ENPP6: variants seen among roughly 807,000 people sequenced by gnomAD.
The protein encoded by ENPP6 is glycerophosphocholine cholinephosphodiesterase ENPP6.
In ENPP6, 32 loss-of-function variants were observed where a neutral mutation model predicts 42.0. That is an observed-to-expected ratio of 0.76 (90% CI 0.58 to 1.02). The LOEUF (loss-of-function observed/expected upper bound fraction) is 1.02, where lower values mean the gene tolerates loss of function less well. ENPP6 is among the 50% of genes least tolerant of loss of function. The pLI, the probability that ENPP6 is intolerant of heterozygous loss-of-function variation, is 0.00. For synonymous variants in ENPP6, 213 were observed against 216.0 expected (o/e 0.99, Z 0.12); for missense variants, 552 against 566.8 (o/e 0.97, Z 0.27).
intron 2 of ENPP6, among the ~76,000 whole-genome samples, chr4:184,145,023 C>T (rs1213161626): frequency 1.3e-5 from 2 of 152,190 alleles, no homozygotes; most frequent in Non-Finnish European, 2.9e-5. Flanking sequence ...AAGGATTGGG[C>T]CCAGCAGGGC....
intron 7 of ENPP6, 106 bp from the exon 8 acceptor site, chr4:184,091,488 T>G: frequency 9.5e-7 from 1 of 1,054,390 alleles, no homozygotes; most frequent in South Asian, 1.6e-5. Flanking sequence ...GACATTGAGA[T>G]TAGGGAATCA....
intron 7 of ENPP6, among the ~76,000 whole-genome samples, chr4:184,092,501 G>T (rs1429802339): frequency 2.0e-5 from 3 of 152,206 alleles, no homozygotes; most frequent in African/African-American, 7.2e-5. Context: ...CACGGTGAGT[G>T]AGGGACGCCG....
At chr4:184,157,096 C>T (rs996258988) in intron 1 of ENPP6, among the ~76,000 whole-genome samples, 5 of 152,340 alleles carry the variant, frequency 3.3e-5, no homozygotes, top group East Asian at 1.9e-4. Flanking sequence ...TAATCCTCCA[C>T]GCTTGGTATC....
Position 184,217,579 on chromosome 4 carries a change from C to T in ENPP6, c.241G>A (p.Gly81Ser), listed in dbSNP as rs753269195. 4 of 1,614,196 alleles carry T rather than the reference C, an allele frequency of 2.5e-6. No homozygotes were observed. The highest frequency in any genetic ancestry group is 3.4e-6 in the Non-Finnish European group (4 of 1,180,026). ...GCCCAGAAGAGGACATGGTACTCAC[C>T]AGTCATTAGGGTATAATAATTGGGA... ...SYPNYYTLMT[G>S]RHCEVHQMIG... The change falls in exon 1 of 8, where the codon GGC (glycine) becomes AGC (serine). Residue 81 changes from glycine to serine, a missense_variant and splice_region_variant. This residue lies in a region of ENPP6 where 545 missense variants were observed against 546.3 expected (regional missense o/e 1.00). Coordinates refer to ENST00000296741, the MANE Select transcript of ENPP6 (RefSeq NM_153343.4).
At chr4:184,164,537 G>A (rs1156760100) in intron 1 of ENPP6, among the ~76,000 whole-genome samples, 1 of 152,126 alleles carries the variant, frequency 6.6e-6, no homozygotes, top group Non-Finnish European at 1.5e-5. Context: ...AGGGAGAGAT[G>A]GCTCTGTAAA....
intron 2 of ENPP6, among the ~76,000 whole-genome samples, chr4:184,131,570 G>A (rs539425734): frequency 1.3e-5 from 2 of 149,136 alleles, no homozygotes; most frequent in Non-Finnish European, 3.0e-5. Flanking sequence ...CACCATGTTG[G>A]CCAGGCTGGT....
intron 2 of ENPP6, among the ~76,000 whole-genome samples, chr4:184,146,604 G>A (rs967874623): frequency 1.3e-5 from 2 of 152,222 alleles, no homozygotes; most frequent in Non-Finnish European, 2.9e-5. Context: ...AAATGCAGAT[G>A]CTCTTTTTGC....
At position 184,112,815 on chromosome 4, in the gene ENPP6, A is replaced by G. The variant is rs1037735212; in HGVS notation, c.856-6T>C. 1.9e-5 allele frequency: 30 copies of G among 1,612,154 alleles called. No homozygotes were observed. Among genetic ancestry groups the G allele is most frequent in the Admixed American group, 1.3e-4 (8 of 59,616 alleles). On this transcript the variant is annotated splice_region_variant and splice_polypyrimidine_tract_variant and intron_variant, in intron 5 of 7. Coordinates refer to ENST00000296741, the MANE Select transcript of ENPP6 (RefSeq NM_153343.4). ...GTGCTCAGTTTGTTATATATCTGCA[A>G]AGAAAATCAAGAGTGATCAGTTTGA... is the stretch of plus-strand genomic sequence containing the variant.
chr4:184,090,271 A>T lies in ENPP6; in HGVS notation c.*906T>A, dbSNP rs1227949094. 2 of 152,028 alleles carry T rather than the reference A, an allele frequency of 1.3e-5. No individual in the cohort carries two copies. Among genetic ancestry groups the T allele is most frequent in the Admixed American group, 6.6e-5 (1 of 15,248 alleles). The allele number at this position is 152,028 out of a possible 1,614,324, so 9.4% of individuals were successfully genotyped here. On this transcript the variant is annotated 3_prime_UTR_variant, in exon 8 of 8. Transcript: ENST00000296741. ...CCCAGGCTATAATGTCATGTCAGGG[A>T]TTGCTCTTGTCTGCACCCTATATTG...
At position 184,217,535 on chromosome 4, in the gene ENPP6, T is replaced by C. The variant is rs762876603; in HGVS notation, c.241+44A>G. 1.9e-6 allele frequency: 3 copies of C among 1,608,148 alleles called. No homozygotes were observed. In the South Asian group the frequency reaches 3.3e-5, roughly 18 times the overall value. ...CAGGAGCTCACTGTTCCCTGCTGGA[T>C]GCCAGCCCTCCCCTCCCTGCCCAGA... On this transcript the variant is annotated intron_variant, in intron 1 of 7. Transcript: ENST00000296741.
In ENPP6 at chr4:184,193,936, A is replaced by G. The variant is rs1015656437; in HGVS notation, c.241+23643T>C. 1.6e-4 allele frequency among the ~76,000 whole-genome samples: 24 copies of G among 152,084 alleles called. 1 individual carries two copies. The highest frequency in any genetic ancestry group is 4.8e-4 in the African/African-American group (20 of 41,402). Reference sequence around the variant, plus strand: ...AGTTTGATGCTACTGACTTTCTTCTATTAGAAGCTTTGCCTTTCCTTGATT... The same window carrying G: ...AGTTTGATGCTACTGACTTTCTTCTGTTAGAAGCTTTGCCTTTCCTTGATT... On this transcript the variant is annotated intron_variant, in intron 1 of 7. Transcript: ENST00000296741.
intron 2 of ENPP6, among the ~76,000 whole-genome samples, chr4:184,137,746 C>T (rs1736753311): frequency 1.3e-5 from 2 of 152,168 alleles, no homozygotes; most frequent in African/African-American, 4.8e-5. Flanking sequence ...TGGATTTTTA[C>T]TAGATTTATT....
At position 184,098,077 on chromosome 4, in the gene ENPP6, GTGC is replaced by G. The variant is rs200442326; in HGVS notation, c.994-712_994-710del. Among the ~76,000 whole-genome samples the G allele has an allele frequency of 7.4e-3, 1,126 of 152,328 alleles. 13 individuals carry two copies. The highest frequency in any genetic ancestry group is 0.026 in the African/African-American group (1,083 of 41,572). On this transcript the variant is annotated intron_variant, in intron 6 of 7. Coordinates refer to ENST00000296741, the MANE Select transcript of ENPP6 (RefSeq NM_153343.4). ...TCTTTCCCACGGGCCTCTCTATGTGGTGCCTCTCTAAGGGCCATCCATTACAAT... is the reference window on the plus strand; with the variant it reads ...TCTTTCCCACGGGCCTCTCTATGTGGCTCTCTAAGGGCCATCCATTACAAT...
chr4:184,153,439 A>G (rs1737091478), intron 2 of ENPP6, 115 bp downstream of exon 2: 1 of 1,236,710 alleles, frequency 8.1e-7, no homozygotes, highest in South Asian at 1.6e-5. Flanking sequence ...ATATTTCTTA[A>G]ATAAAGATCC....
intron 3 of ENPP6, among the ~76,000 whole-genome samples, chr4:184,121,960 C>A (rs1046898165): frequency 2.3e-4 from 35 of 152,144 alleles, no homozygotes; most frequent in African/African-American, 8.4e-4. Context: ...TCAGGGGAGG[C>A]CCAAGTCATC....
At chr4:184,200,858 A>G (rs999477705) in intron 1 of ENPP6, among the ~76,000 whole-genome samples, 1 of 152,186 alleles carries the variant, frequency 6.6e-6, no homozygotes, top group Admixed American at 6.5e-5. Context: ...TGCTGCAGAC[A>G]TGTACACACA....
At chr4:184,112,107 C>T (rs184014983) in intron 6 of ENPP6, among the ~76,000 whole-genome samples, 163 of 152,300 alleles carry the variant, frequency 1.1e-3, no homozygotes, top group African/African-American at 2.3e-3. Flanking sequence ...GCCTCCCCAC[C>T]GTGGCCTGAT....
At chr4:184,207,340 T>C (rs1226005654) in intron 1 of ENPP6, among the ~76,000 whole-genome samples, 1 of 152,258 alleles carries the variant, frequency 6.6e-6, no homozygotes, top group Non-Finnish European at 1.5e-5. Context: ...AGCAAAATGA[T>C]GCTAAGTTAC....
intron 6 of ENPP6, among the ~76,000 whole-genome samples, chr4:184,098,491 C>T (rs575446031): frequency 3.6e-4 from 55 of 152,322 alleles, no homozygotes; most frequent in African/African-American, 1.3e-3. Flanking sequence ...TTTCTTCCTT[C>T]TGGCCCTGCC....
Sources: allele counts gnomAD v4.1 joint callset (sites outside exome capture counted in the v4.1 genomes callset), GRCh38; gene constraint gnomAD v4.1.1; regional missense constraint gnomAD v4.1.1; transcripts MANE v1.5; gene names NCBI Gene and HGNC (gene_info 2026-07-23, HGNC 2026-07-21).